Variants in TTLL8 observed in about 807,000 individuals in gnomAD.
TTLL8 encodes the protein protein monoglycylase TTLL8.
TTLL8 carries 65 observed loss-of-function variants against 77.8 expected under a neutral mutation model. The observed-to-expected ratio is 0.84, with a 90% CI of 0.68 to 1.03. TTLL8 has a LOEUF of 1.03. TTLL8 is among the 50% of genes least tolerant of loss of function. The pLI is 0.00. For missense variants in TTLL8, 910 were observed against 1,004.5 expected, an observed-to-expected ratio of 0.91 and a Z score of 1.27; for synonymous variants, 402 against 422.8, an observed-to-expected ratio of 0.95 and a Z score of 0.60.
At chr22:50,023,161 T>G (rs1430245660) in intron 12 of TTLL8, among the ~76,000 whole-genome samples, 2 of 152,266 alleles carry the variant, frequency 1.3e-5, no homozygotes, top group Non-Finnish European at 2.9e-5. Context: ...TCAAAATTTA[T>G]TTGTAAAATA....
upstream of TTLL8, among the ~76,000 whole-genome samples, chr22:50,057,094 T>TG (rs202095318): frequency 4.0e-3 from 488 of 121,208 alleles, 3 homozygotes; most frequent in African/African-American, 0.016. Context: ...GCTCTGGGGT[T>TG]GGGATCAGGT....
chr22:50,031,982 G>T, exon 11 of TTLL8: 2 of 1,366,704 alleles, frequency 1.5e-6, no homozygotes, highest in Non-Finnish European at 2.0e-6. Context: ...ACGGCGCCAC[G>T]GCCCTGGCGC....
At position 50,041,438 on chromosome 22, in the gene TTLL8, C is replaced by A; in HGVS notation, c.831-161G>T. ...TCCAGACAGACACCACAATACTCAA[C>A]AAGCATCCCAGACATCCAGACAGGA... On this transcript the variant is annotated intron_variant, in intron 7 of 13. Transcript: ENST00000266182. This position sits in a 1 kb window ranked among gnomAD's most constrained non-coding sequence, Gnocchi z 4.3. 1.1e-6 allele frequency: 1 copy of A among 884,648 alleles called. No individual in the cohort carries two copies. The highest frequency in any genetic ancestry group is 1.4e-6 in the Non-Finnish European group (1 of 738,170). The allele number at this position is 884,648 out of a possible 1,614,324, so 54.8% of individuals were successfully genotyped here. A position where few individuals can be genotyped will look rare whatever the true frequency, so the allele number is the denominator to read the frequency against.
chr22:50,043,934 G>A (rs2061392351), intron 6 of TTLL8, among the ~76,000 whole-genome samples: 1 of 152,154 alleles, frequency 6.6e-6, no homozygotes, highest in Non-Finnish European at 1.5e-5. Flanking sequence ...TACTGGAATG[G>A]TGGATACACG....
intron 6 of TTLL8, among the ~76,000 whole-genome samples, chr22:50,042,750 T>C (rs975683737): frequency 1.3e-5 from 2 of 152,074 alleles, no homozygotes; most frequent in Non-Finnish European, 2.9e-5. Flanking sequence ...GGCAACACAG[T>C]GAGACCCTGT....
At chr22:50,054,150 A>G (rs769332292) in intron 1 of TTLL8, among the ~76,000 whole-genome samples, 1 of 152,104 alleles carries the variant, frequency 6.6e-6, no homozygotes, top group Non-Finnish European at 1.5e-5. Flanking sequence ...TTCTCACACT[A>G]TTGCCAGCTG....
rs200430111 is a variant in TTLL8 at position 50,028,626 on chromosome 22, C to CA, written c.2203+1803_2203+1804insT. 6.4e-4 allele frequency among the ~76,000 whole-genome samples: 60 copies of CA among 94,468 alleles called. 2 individuals are homozygous for CA. The highest frequency in any genetic ancestry group is 1.7e-3 in the African/African-American group (44 of 26,264). 62.0% of individuals were successfully genotyped at this position (94,468 alleles called of 152,430 possible). Reference sequence around the variant, plus strand: ...CCCCATCACACCGTCCTGAAGACCCCCACATACCCTCGTAAAGACCCCATC... The same window carrying CA: ...CCCCATCACACCGTCCTGAAGACCCCACACATACCCTCGTAAAGACCCCATC... On this transcript the variant is annotated intron_variant, in intron 12 of 13. Coordinates refer to ENST00000266182, the Ensembl canonical transcript of TTLL8.
upstream of TTLL8, among the ~76,000 whole-genome samples, chr22:50,057,165 GGATGGGAGTC>G (rs2061475531): frequency 2.7e-5 from 4 of 149,298 alleles, no homozygotes; most frequent in African/African-American, 1.0e-4. Context: ...TCAGGTCTGG[GGATGGGAGTC>G]AGGTCTGGGG....
intron 6 of TTLL8, among the ~76,000 whole-genome samples, chr22:50,042,652 A>T (rs2061379163): frequency 6.6e-6 from 1 of 152,198 alleles, no homozygotes. Context: ...AATGGAGGCT[A>T]GGCACAGTGG....
intron 2 of TTLL8, among the ~76,000 whole-genome samples, chr22:50,049,767 C>T (rs1419110163): frequency 6.6e-6 from 1 of 152,140 alleles, no homozygotes; most frequent in East Asian, 1.9e-4. Context: ...CAGCCAGCAC[C>T]ACGGGGGCCT....
chr22:50,035,800 C>A (rs1213660736), intron 8 of TTLL8, among the ~76,000 whole-genome samples: 1 of 152,246 alleles, frequency 6.6e-6, no homozygotes, highest in Non-Finnish European at 1.5e-5. Context: ...TACAGCGACT[C>A]CCTCAGGAGG....
intron 12 of TTLL8, among the ~76,000 whole-genome samples, chr22:50,029,952 C>G (rs73893118): frequency 0.032 from 4,844 of 151,970 alleles, 211 homozygotes; most frequent in African/African-American, 0.11. Flanking sequence ...GTGGCCGAGG[C>G]TCGGAAGAGC....
Position 50,041,266 on chromosome 22 carries a change from C to T in TTLL8, c.842G>A (p.Gly281Glu). The change falls in exon 8 of 14, where the codon GGG (glycine) becomes GAG (glutamate). Residue 281 changes from glycine (G) to glutamate (E), a missense_variant. Coordinates refer to ENST00000266182, the Ensembl canonical transcript of TTLL8. The surrounding 1 kb of genome is among the most constrained non-coding windows in gnomAD (Gnocchi z 4.3). Reference sequence around the variant, plus strand: ...GAAGATGCACAAGACAATGCTACTCCCCAAAGGCACCCTGAGGGGGTATCA... The same window carrying T: ...GAAGATGCACAAGACAATGCTACTCTCCAAAGGCACCCTGAGGGGGTATCA... The T allele has an allele frequency of 2.0e-6, 1 of 505,220 alleles. No homozygotes were observed. The highest frequency in any genetic ancestry group is 4.0e-6 in the Non-Finnish European group (1 of 250,720). The allele number at this position is 505,220 out of a possible 1,614,324, so 31.3% of individuals were successfully genotyped here. A position where few individuals can be genotyped will look rare whatever the true frequency, so the allele number is the denominator to read the frequency against.
chr22:50,056,675 G>C (rs2061472389), upstream of TTLL8: 1 of 844,052 alleles, frequency 1.2e-6, no homozygotes. The surrounding 1 kb of genome is among the most constrained non-coding windows in gnomAD (Gnocchi z 4.1). Flanking sequence ...ACAGGAGGCA[G>C]GAGCCAGCGC....
upstream of TTLL8, among the ~76,000 whole-genome samples, chr22:50,054,783 C>T (rs1271687031): frequency 1.3e-5 from 2 of 152,222 alleles, no homozygotes; most frequent in African/African-American, 2.4e-5. Flanking sequence ...CCAGGCTAGG[C>T]GCAGTCACTC....
intron 4 of TTLL8, among the ~76,000 whole-genome samples, chr22:50,046,836 G>A (rs868563537): frequency 3.6e-4 from 55 of 152,322 alleles, no homozygotes; most frequent in Middle Eastern, 3.4e-3. Context: ...GCTGGGGGGA[G>A]CGGCACCTCT....
intron 3 of TTLL8, 54 bp from the exon 6 acceptor site, chr22:50,047,350 A>AGGAT: frequency 7.4e-7 from 1 of 1,346,838 alleles, no homozygotes; most frequent in Non-Finnish European, 1.0e-6. Context: ...CACACCAGCC[A>AGGAT]GGATGGGATG....
chr22:50,035,528 T>C (rs1338666169), intron 8 of TTLL8, among the ~76,000 whole-genome samples: 1 of 152,156 alleles, frequency 6.6e-6, no homozygotes, highest in African/African-American at 2.4e-5. Flanking sequence ...CTCCTGGCTC[T>C]CACCGGCTGC....
intron 8 of TTLL8, among the ~76,000 whole-genome samples, chr22:50,040,848 C>T (rs912627440): frequency 6.6e-6 from 1 of 152,216 alleles, no homozygotes; most frequent in African/African-American, 2.4e-5. Context: ...GCCAGGCCCA[C>T]CTCTGCCCAG....
Sources: gnomAD v4.1 joint callset for allele counts (sites outside exome capture counted in the v4.1 genomes callset) on GRCh38, gnomAD v4.1.1 for gene constraint, Gnocchi (gnomAD v3.1) non-coding constraint, MANE v1.5 for transcripts, NCBI Gene and HGNC (gene_info 2026-07-23, HGNC 2026-07-21) for gene names.